The following CADM2 variants were observed in gnomAD, a reference collection of about 807,000 sequenced individuals.
CADM2 encodes cell adhesion molecule 2, also known as immunoglobulin superfamily member 4D.
A neutral mutation model predicts 49.8 loss-of-function variants in CADM2; 12 were observed. That is an observed-to-expected ratio of 0.24 (90% CI 0.15 to 0.39). CADM2 has a LOEUF of 0.39. CADM2 is among the 10% of genes least tolerant of loss of function. CADM2 has a pLI of 1.00. For synonymous variants in CADM2, 214 were observed against 175.4 expected, an observed-to-expected ratio of 1.22 and a Z score of -1.74; for missense variants, 378 against 492.3, an observed-to-expected ratio of 0.77 and a Z score of 2.20.
intron 8 of CADM2, among the ~76,000 whole-genome samples, chr3:86,001,119 ATG>A (rs1202473155): frequency 7.2e-5 from 11 of 152,162 alleles, no homozygotes; most frequent in African/African-American, 2.7e-4. Flanking sequence ...GGATGAAAGA[ATG>A]AGAAGATATC....
chr3:85,602,543 G>T (rs936563935), intron 1 of CADM2, among the ~76,000 whole-genome samples: 1 of 151,554 alleles, frequency 6.6e-6, no homozygotes, highest in African/African-American at 2.4e-5. Flanking sequence ...AAGATTTTAG[G>T]TTATTTGTTC....
chr3:85,525,557 G>A (rs2061141977), intron 1 of CADM2, among the ~76,000 whole-genome samples: 1 of 152,062 alleles, frequency 6.6e-6, no homozygotes, highest in Non-Finnish European at 1.5e-5. Context: ...TTCCTTGGAG[G>A]CAGCATATAG....
At chr3:85,024,801 T>A (rs1476635837) in intron 1 of CADM2, among the ~76,000 whole-genome samples, 1 of 151,994 alleles carries the variant, frequency 6.6e-6, no homozygotes, top group Admixed American at 6.5e-5. Flanking sequence ...TGTACATAAA[T>A]AACTGTTTGA....
chr3:85,433,162 A>C (rs1260942527), intron 1 of CADM2, among the ~76,000 whole-genome samples: 1 of 151,808 alleles, frequency 6.6e-6, no homozygotes, highest in Non-Finnish European at 1.5e-5. Flanking sequence ...AAAAAGCAGG[A>C]TTTTTAAAGC....
At chr3:85,824,059 G>A (rs868709876) in intron 3 of CADM2, among the ~76,000 whole-genome samples, 4 of 152,262 alleles carry the variant, frequency 2.6e-5, no homozygotes, top group South Asian at 4.1e-4. Flanking sequence ...GCATTTCGCT[G>A]TTGTAATTTT....
intron 8 of CADM2, among the ~76,000 whole-genome samples, chr3:85,995,145 G>A (rs2108718954): frequency 6.6e-6 from 1 of 151,318 alleles, no homozygotes; most frequent in Non-Finnish European, 1.5e-5. Context: ...TGAGAATAAT[G>A]AACATTGTGG....
chr3:85,286,380 A>T (rs1402950468), intron 1 of CADM2, among the ~76,000 whole-genome samples: 3 of 152,176 alleles, frequency 2.0e-5, no homozygotes, highest in Non-Finnish European at 4.4e-5. Flanking sequence ...AGAAATGCCC[A>T]TTCTGATGGG....
intron 1 of CADM2, among the ~76,000 whole-genome samples, chr3:85,503,096 A>G (rs993575898): frequency 5.9e-5 from 9 of 152,056 alleles, no homozygotes; most frequent in African/African-American, 2.2e-4. Context: ...TATACTCCTA[A>G]CATAAAGTTT....
At chr3:85,108,128 T>C (rs918533514) in intron 1 of CADM2, among the ~76,000 whole-genome samples, 4 of 152,216 alleles carry the variant, frequency 2.6e-5, no homozygotes, top group African/African-American at 9.6e-5. Flanking sequence ...CTGTCATGTT[T>C]CTAGTAGCAT....
intron 1 of CADM2, among the ~76,000 whole-genome samples, chr3:85,347,643 A>G (rs1327330499): frequency 8.4e-5 from 5 of 59,818 alleles, no homozygotes; most frequent in African/African-American, 2.2e-4. Flanking sequence ...ATATATACAT[A>G]TATATATATT....
At chr3:85,491,833 T>C in intron 1 of CADM2, among the ~76,000 whole-genome samples, 1 of 151,716 alleles carries the variant, frequency 6.6e-6, no homozygotes, top group Non-Finnish European at 1.5e-5. Context: ...GTGCCTGTAG[T>C]CCCAGCTACT....
chr3:85,496,502 T>C (rs910529499), intron 1 of CADM2, among the ~76,000 whole-genome samples: 2 of 152,210 alleles, frequency 1.3e-5, no homozygotes, highest in Admixed American at 6.5e-5. Flanking sequence ...GCAATGAACA[T>C]ACGAATGCAT....
At chr3:85,253,892 C>G (rs2042829679) in intron 1 of CADM2, among the ~76,000 whole-genome samples, 1 of 152,030 alleles carries the variant, frequency 6.6e-6, no homozygotes, top group Non-Finnish European at 1.5e-5. Flanking sequence ...TTTTTACACA[C>G]TACTCAAGGG....
chr3:85,810,492 T>C (rs908884075), intron 3 of CADM2, among the ~76,000 whole-genome samples: 2 of 151,320 alleles, frequency 1.3e-5, no homozygotes, highest in Admixed American at 1.3e-4. Context: ...TCTGGGAAGA[T>C]ATTTAATACA....
chr3:85,790,875 C>T (rs991029971), intron 2 of CADM2, among the ~76,000 whole-genome samples: 5 of 152,142 alleles, frequency 3.3e-5, no homozygotes, highest in East Asian at 3.9e-4. Context: ...AACTGGCAAG[C>T]GGCACCAGAC....
chr3:85,439,946 A>C (rs2107540604), intron 1 of CADM2, among the ~76,000 whole-genome samples: 1 of 152,340 alleles, frequency 6.6e-6, no homozygotes, highest in South Asian at 2.1e-4. Context: ...AAATCAAAGT[A>C]GTTATTTCAT....
chr3:85,701,898 TAGATAGATAGATATAA>T (rs1434104184), intron 1 of CADM2, among the ~76,000 whole-genome samples: 4 of 125,554 alleles, frequency 3.2e-5, no homozygotes, highest in African/African-American at 1.0e-4. Flanking sequence ...GATAGATAGA[TAGATAGATAGATATAA>T]AGAAAAAGGA....
chr3:85,791,982 C>A (rs2071365115), intron 2 of CADM2, among the ~76,000 whole-genome samples: 2 of 152,144 alleles, frequency 1.3e-5, no homozygotes, highest in South Asian at 2.1e-4. Context: ...CTCGGCCTCC[C>A]AAAGTGCTGG....
At chr3:85,874,206 T>G (rs1262242682) in intron 3 of CADM2, among the ~76,000 whole-genome samples, 2 of 152,204 alleles carry the variant, frequency 1.3e-5, no homozygotes, top group Non-Finnish European at 2.9e-5. Context: ...GTGAAAAATT[T>G]AATCCAAATT....
Sources: allele counts gnomAD v4.1 joint callset (sites outside exome capture counted in the v4.1 genomes callset), GRCh38; gene constraint gnomAD v4.1.1; transcripts MANE v1.5; gene names NCBI Gene and HGNC (gene_info 2026-07-23, HGNC 2026-07-21).